XNDC1N: variants seen among roughly 807,000 people sequenced by gnomAD.
The protein encoded by XNDC1N is protein XNDC1N.
the XNDC1N span, among the ~76,000 whole-genome samples, chr11:71,908,162 A>G: frequency 6.6e-6 from 1 of 152,134 alleles, no homozygotes; most frequent in Non-Finnish European, 1.5e-5. Context: ...TTCCTCATTT[A>G]TTATTAACAT....
the XNDC1N span, among the ~76,000 whole-genome samples, chr11:71,898,161 G>A: frequency 1.3e-5 from 2 of 151,950 alleles, no homozygotes; most frequent in African/African-American, 4.8e-5. Context: ...TCCAGCCTGT[G>A]CGACAGAGTG....
chr11:71,899,182 T>A, the XNDC1N span, among the ~76,000 whole-genome samples: 3 of 152,156 alleles, frequency 2.0e-5, no homozygotes, highest in African/African-American at 7.2e-5. Flanking sequence ...AAATAGTCAG[T>A]CTGTGCCTCC....
At chr11:71,893,084 G>A in the XNDC1N span, among the ~76,000 whole-genome samples, 1 of 152,168 alleles carries the variant, frequency 6.6e-6, no homozygotes, top group Non-Finnish European at 1.5e-5. Flanking sequence ...GTATTTCATG[G>A]CTTCTTAATT....
the XNDC1N span, chr11:71,915,949 T>C: frequency 1.0e-5 from 6 of 599,518 alleles, no homozygotes; most frequent in Non-Finnish European, 1.8e-5. Context: ...CCGTTGATAC[T>C]TGTATTTGTG....
At chr11:71,886,389 G>C in the XNDC1N span, among the ~76,000 whole-genome samples, 3 of 152,068 alleles carry the variant, frequency 2.0e-5, no homozygotes, top group Admixed American at 6.6e-5. Flanking sequence ...AAACCCCCAA[G>C]AGTATGGAAG....
At chr11:71,919,996 C>G in the XNDC1N span, among the ~76,000 whole-genome samples, 1 of 100,798 alleles carries the variant, frequency 9.9e-6, no homozygotes, top group Non-Finnish European at 1.8e-5. Context: ...CTGTCTCTGT[C>G]GTCCAGGCTG....
chr11:71,873,827 C>T, the XNDC1N span, among the ~76,000 whole-genome samples: 6 of 152,024 alleles, frequency 3.9e-5, no homozygotes, highest in Non-Finnish European at 7.4e-5. Context: ...TTTTAAAAAA[C>T]GTAATTAGAT....
chr11:71,907,359 G>A, the XNDC1N span, among the ~76,000 whole-genome samples: 2 of 150,820 alleles, frequency 1.3e-5, no homozygotes, highest in South Asian at 2.1e-4. Flanking sequence ...GGCGCCCCCC[G>A]CGATGCGGGG....
the XNDC1N span, among the ~76,000 whole-genome samples, chr11:71,887,586 T>A: frequency 0.029 from 4,408 of 150,504 alleles, no homozygotes; most frequent in East Asian, 0.063. Context: ...ACTGGGGCCC[T>A]GCCAGTGAGG....
chr11:71,877,004 G>A, the XNDC1N span, among the ~76,000 whole-genome samples: 1 of 152,200 alleles, frequency 6.6e-6, no homozygotes, highest in Admixed American at 6.5e-5. Context: ...ACTGAATGGA[G>A]GTTTAGGAAA....
the XNDC1N span, among the ~76,000 whole-genome samples, chr11:71,909,041 G>A: frequency 6.6e-6 from 1 of 152,186 alleles, no homozygotes; most frequent in Admixed American, 6.5e-5. Context: ...AATTCTACCA[G>A]AGACTGTGTG....
the XNDC1N span, among the ~76,000 whole-genome samples, chr11:71,897,662 A>G: frequency 1.3e-5 from 2 of 152,218 alleles, no homozygotes; most frequent in Non-Finnish European, 2.9e-5. Context: ...CGTGTACTGG[A>G]AAAATTAGAA....
the XNDC1N span, among the ~76,000 whole-genome samples, chr11:71,913,776 G>A: frequency 2.6e-5 from 4 of 152,056 alleles, no homozygotes; most frequent in East Asian, 3.9e-4. Context: ...TAACTCTCTC[G>A]TTAGGGCTAA....
At chr11:71,915,661 G>T in the XNDC1N span, among the ~76,000 whole-genome samples, 1 of 151,868 alleles carries the variant, frequency 6.6e-6, no homozygotes, top group African/African-American at 2.4e-5. Flanking sequence ...CACATGTAAA[G>T]ATATAACTTT....
the XNDC1N span, among the ~76,000 whole-genome samples, chr11:71,901,363 C>T: frequency 6.6e-6 from 1 of 152,204 alleles, no homozygotes; most frequent in East Asian, 1.9e-4. Context: ...CTTTGGGAGG[C>T]TGAGGCAGGC....
At chr11:71,873,078 C>G in the XNDC1N span, among the ~76,000 whole-genome samples, 1 of 152,034 alleles carries the variant, frequency 6.6e-6, no homozygotes, top group Non-Finnish European at 1.5e-5. Context: ...CTAAATAACT[C>G]TACAATGTTT....
chr11:71,911,801 G>A, the XNDC1N span, among the ~76,000 whole-genome samples: 3,842 of 152,296 alleles, frequency 0.025, 54 homozygotes, highest in East Asian at 0.073. Flanking sequence ...GGACACCAGC[G>A]AGCTTCCATC....
the XNDC1N span, chr11:71,884,433 T>A: frequency 6.2e-7 from 1 of 1,600,992 alleles, no homozygotes; most frequent in Non-Finnish European, 8.5e-7. Context: ...TAATGATGAA[T>A]GTCCTTCAGA....
chr11:71,888,140 G>T, the XNDC1N span, among the ~76,000 whole-genome samples: 1 of 152,114 alleles, frequency 6.6e-6, no homozygotes, highest in Non-Finnish European at 1.5e-5. Context: ...GGGAACAGAT[G>T]CCCTACACCG....
Sources: gnomAD v4.1 joint callset for allele counts (sites outside exome capture counted in the v4.1 genomes callset) on GRCh38, gnomAD v4.1.1 for gene constraint, MANE v1.5 for transcripts, NCBI Gene and HGNC (gene_info 2026-07-23, HGNC 2026-07-21) for gene names.